FRMPD4: variants seen among roughly 807,000 people sequenced by gnomAD.
The protein encoded by FRMPD4 is FERM and PDZ domain-containing protein 4.
Under a neutral mutation model 94.1 loss-of-function variants are expected in FRMPD4, and 22 were observed. That is an observed-to-expected ratio of 0.23 (90% CI 0.17 to 0.33). The LOEUF is 0.33. Among genes scored for constraint, FRMPD4 ranks in the 10% least tolerant of loss-of-function variants. The pLI is 1.00. For missense variants in FRMPD4, 1,111 were observed against 1,339.9 expected, an observed-to-expected ratio of 0.83 and a Z score of 2.67; for synonymous variants, 631 against 548.6, an observed-to-expected ratio of 1.15 and a Z score of -2.10.
intron 1 of FRMPD4, among the ~76,000 whole-genome samples, chrX:12,140,897 G>A (rs951710984): frequency 9.0e-6 from 1 of 111,721 alleles, no homozygotes; most frequent in African/African-American, 3.3e-5. Context: ...TCCTTAATGT[G>A]ATCCAGTAGA....
intron 1 of FRMPD4, among the ~76,000 whole-genome samples, chrX:12,243,029 A>G (rs943897347): frequency 4.5e-5 from 5 of 112,197 alleles, no homozygotes; most frequent in African/African-American, 1.3e-4. Flanking sequence ...ATGAGCCACC[A>G]CACCTGGCCC....
At chrX:12,248,932 C>T (rs752004575) in intron 1 of FRMPD4, among the ~76,000 whole-genome samples, 4 of 112,108 alleles carry the variant, frequency 3.6e-5, no homozygotes, top group African/African-American at 6.5e-5. Context: ...CCAGCTACTC[C>T]GGAGACTGAG....
At chrX:11,903,389 G>T (rs752071999) in intron 3 of FRMPD4, among the ~76,000 whole-genome samples, 1 of 112,454 alleles carries the variant, frequency 8.9e-6, no homozygotes, top group East Asian at 2.8e-4. Context: ...TTTATATACA[G>T]TTTTAATTCC....
intron 5 of FRMPD4, among the ~76,000 whole-genome samples, chrX:12,677,128 G>T (rs2059907438): frequency 9.0e-6 from 1 of 110,955 alleles, no homozygotes; most frequent in Non-Finnish European, 1.9e-5. Flanking sequence ...CCTGTGCATT[G>T]TAGGATGTTT....
intron 3 of FRMPD4, among the ~76,000 whole-genome samples, chrX:11,945,910 G>T (rs1383924320): frequency 8.9e-6 from 1 of 112,272 alleles, no homozygotes; most frequent in Non-Finnish European, 1.9e-5. Flanking sequence ...CACACAAGAA[G>T]TAAGTGGCAG....
Position 12,539,554 on chromosome X carries a change from C to A in FRMPD4, c.158+40758C>A, listed in dbSNP as rs746198878. 3.6e-5 allele frequency among the ~76,000 whole-genome samples: 4 copies of A among 111,426 alleles called. No homozygotes were observed. The South Asian group carries it at 1.1e-3, about 32-fold the overall frequency. On this transcript the variant is annotated intron_variant, in intron 2 of 16. Coordinates refer to ENST00000675598, the MANE Select transcript of FRMPD4 (RefSeq NM_001368397.1). The stretch of plus-strand genomic sequence containing the variant: ...AGCCAGAAAGAAAGGTAGGGTTAAC[C>A]AACAAAGGGAAGCCCATCAGACTAA...
intron 1 of FRMPD4, among the ~76,000 whole-genome samples, chrX:12,309,919 T>C (rs2055005124): frequency 8.9e-6 from 1 of 112,418 alleles, no homozygotes; most frequent in South Asian, 3.7e-4. Context: ...AGGACATCTG[T>C]GCTTGTGCAG....
intron 10 of FRMPD4, 96 bp downstream of exon 10, chrX:12,702,106 G>T: frequency 1.1e-6 from 1 of 892,698 alleles, no homozygotes; most frequent in Non-Finnish European, 1.6e-6. Flanking sequence ...GATCTTGTTT[G>T]TGTCAAAGCA....
rs780189953 is a variant in FRMPD4 at position 11,913,033 on chromosome X, C to G, written c.95+35015C>G. 2.7e-5 allele frequency among the ~76,000 whole-genome samples: 3 copies of G among 111,943 alleles called. No individual in the cohort carries two copies. In the East Asian group the frequency reaches 8.4e-4, roughly 31 times the overall value. ...AGGGGGCCTGCAGCTTCTAAGTGAC[C>G]TAGTTGAAATTCATAAATTCATAGC... On this transcript the variant is annotated intron_variant, in intron 3 of 18. Transcript: ENST00000640291.
At chrX:11,878,506 C>T (rs1413552286) in intron 3 of FRMPD4, among the ~76,000 whole-genome samples, 1 of 112,239 alleles carries the variant, frequency 8.9e-6, no homozygotes, top group Non-Finnish European at 1.9e-5. Flanking sequence ...GATTTTTCAA[C>T]AGAAAATGCT....
At chrX:11,827,517 T>A (rs2053451099) in intron 1 of FRMPD4, among the ~76,000 whole-genome samples, 1 of 111,541 alleles carries the variant, frequency 9.0e-6, no homozygotes, top group African/African-American at 3.3e-5. Context: ...ATAGATGTCA[T>A]CTTTATTTGT....
chrX:11,988,363 A>G (rs1327287153), intron 3 of FRMPD4, among the ~76,000 whole-genome samples: 2 of 112,000 alleles, frequency 1.8e-5, no homozygotes, highest in African/African-American at 3.2e-5. Flanking sequence ...AATAAATAGC[A>G]CTGGGAAAAT....
chrX:12,340,039 A>G (rs2055588188), intron 1 of FRMPD4, among the ~76,000 whole-genome samples: 1 of 112,342 alleles, frequency 8.9e-6, no homozygotes, highest in Non-Finnish European at 1.9e-5. Flanking sequence ...TCCTCTCCTG[A>G]GAATTGTTCT....
chrX:11,969,248 G>C (rs151245451), intron 3 of FRMPD4, among the ~76,000 whole-genome samples: 197 of 112,616 alleles, frequency 1.7e-3, no homozygotes, highest in African/African-American at 6.1e-3. Context: ...AGCTCTCTCA[G>C]TATGGCAAAA....
chrX:12,110,459 T>C (rs1279885137), intron 3 of FRMPD4, among the ~76,000 whole-genome samples: 1 of 111,915 alleles, frequency 8.9e-6, no homozygotes, highest in Non-Finnish European at 1.9e-5. Flanking sequence ...TCACAGTCAA[T>C]ATCATACTGA....
intron 1 of FRMPD4, among the ~76,000 whole-genome samples, chrX:12,372,291 G>A (rs997784829): frequency 1.8e-5 from 2 of 113,071 alleles, no homozygotes; most frequent in Non-Finnish European, 3.7e-5. Context: ...GCCTTACTCT[G>A]GTCTTTCCCA....
At chrX:12,613,339 G>A (rs2059201770) in intron 3 of FRMPD4, among the ~76,000 whole-genome samples, 1 of 111,536 alleles carries the variant, frequency 9.0e-6, no homozygotes, top group African/African-American at 3.3e-5. Context: ...ATTCAAAAGG[G>A]ACATTCACCA....
chrX:12,196,671 T>C (rs1300298402), intron 1 of FRMPD4, among the ~76,000 whole-genome samples: 1 of 108,324 alleles, frequency 9.2e-6, no homozygotes, highest in Non-Finnish European at 1.9e-5. Context: ...ATATATTATA[T>C]ATAATTTATA....
intron 13 of FRMPD4, among the ~76,000 whole-genome samples, chrX:12,708,009 A>T (rs943462478): frequency 3.6e-5 from 4 of 111,690 alleles, no homozygotes; most frequent in African/African-American, 1.3e-4. Flanking sequence ...CAAGAGGGAG[A>T]TTTTTCCCAA....
Sources: allele counts gnomAD v4.1 joint callset (sites outside exome capture counted in the v4.1 genomes callset), GRCh38; gene constraint gnomAD v4.1.1; transcripts MANE v1.5; gene names NCBI Gene and HGNC (gene_info 2026-07-23, HGNC 2026-07-21).